RHOBTB3: variants seen among roughly 807,000 people sequenced by gnomAD.
The protein encoded by RHOBTB3 is rho-related BTB domain-containing protein 3.
A neutral mutation model predicts 67.2 loss-of-function variants in RHOBTB3; 47 were observed. The ratio of observed to expected loss-of-function variants is 0.70; its 90% CI spans 0.55 to 0.89. The LOEUF is 0.89. Among genes scored for constraint, RHOBTB3 ranks in the 40% least tolerant of loss-of-function variants. RHOBTB3 has a pLI of 0.00. For synonymous variants in RHOBTB3, 273 were observed against 274.2 expected (o/e 1.00, Z 0.04); for missense variants, 631 against 750.0 (o/e 0.84, Z 1.85).
intron 11 of RHOBTB3, among the ~76,000 whole-genome samples, 188 bp from the exon 12 acceptor site, chr5:95,792,871 A>T (rs1480110812): frequency 1.3e-5 from 2 of 152,210 alleles, no homozygotes; most frequent in African/African-American, 4.8e-5. Context: ...TGTAAGTCAC[A>T]TAATAACTTA....
intron 1 of RHOBTB3, among the ~76,000 whole-genome samples, chr5:95,720,655 G>A (rs771847039): frequency 7.9e-5 from 12 of 151,298 alleles, no homozygotes; most frequent in Non-Finnish European, 1.6e-4. Flanking sequence ...TGTTTTGTTT[G>A]TATTACATTA....
At chr5:95,738,468 G>A (rs554765962) in intron 3 of RHOBTB3, among the ~76,000 whole-genome samples, 1 of 152,292 alleles carries the variant, frequency 6.6e-6, no homozygotes, top group African/African-American at 2.4e-5. Context: ...ACTTTAGGAG[G>A]TAATTAGGGC....
chr5:95,744,808 C>G (rs554739415), intron 3 of RHOBTB3, among the ~76,000 whole-genome samples: 2 of 152,058 alleles, frequency 1.3e-5, no homozygotes. Flanking sequence ...CGGTGACTCA[C>G]GCCTGTAATC....
intron 7 of RHOBTB3, chr5:95,767,713 G>T: frequency 3.1e-6 from 2 of 641,702 alleles, no homozygotes; most frequent in Non-Finnish European, 5.7e-6. Flanking sequence ...ATTTTAGTAG[G>T]CATTTGTATG....
intron 5 of RHOBTB3, 87 bp from the exon 6 acceptor site, chr5:95,755,309 A>G (rs1745209695): frequency 2.1e-6 from 2 of 953,066 alleles, no homozygotes; most frequent in Non-Finnish European, 2.9e-6. Context: ...TTAAAATATT[A>G]TACAATTATA....
At chr5:95,780,077 T>C (rs1206941132) in intron 8 of RHOBTB3, 175 bp from the exon 9 acceptor site, 7 of 513,462 alleles carry the variant, frequency 1.4e-5, no homozygotes, top group East Asian at 8.6e-5. Flanking sequence ...CTTTCTTTAT[T>C]GCTCCCTTTA....
intron 1 of RHOBTB3, among the ~76,000 whole-genome samples, chr5:95,720,385 G>A (rs531800481): frequency 6.6e-6 from 1 of 152,184 alleles, no homozygotes; most frequent in African/African-American, 2.4e-5. Context: ...TTAGCAAAAC[G>A]TTGTTGTAAT....
Position 95,731,580 on chromosome 5 carries a change from C to A in RHOBTB3, c.-103C>A, listed in dbSNP as rs1315274671. On this transcript the variant is annotated 5_prime_UTR_variant, in exon 1 of 12. Transcript: ENST00000379982. ...TGGAGGCGCGCGAGGGGGACGCGGC[C>A]GGGGATGAGCGGATTGCGGGTGAAC... is the stretch of plus-strand genomic sequence containing the variant. 2.6e-6 allele frequency: 4 copies of A among 1,543,536 alleles called. No homozygotes were observed. The highest frequency in any genetic ancestry group is 3.5e-6 in the Non-Finnish European group (4 of 1,145,434).
At chr5:95,792,557 C>A (rs1746439750) in intron 11 of RHOBTB3, among the ~76,000 whole-genome samples, 1 of 151,774 alleles carries the variant, frequency 6.6e-6, no homozygotes, top group South Asian at 2.1e-4. Context: ...CTTTGGGAGT[C>A]CAAGGCAGGC....
intron 8 of RHOBTB3, among the ~76,000 whole-genome samples, chr5:95,773,096 C>T (rs537937077): frequency 1.3e-5 from 2 of 152,056 alleles, no homozygotes; most frequent in Non-Finnish European, 2.9e-5. Flanking sequence ...AAAAGATTTT[C>T]GAAGGGAATA....
At chr5:95,748,868 A>G (rs1165972133) in intron 4 of RHOBTB3, among the ~76,000 whole-genome samples, 1 of 152,128 alleles carries the variant, frequency 6.6e-6, no homozygotes, top group Non-Finnish European at 1.5e-5. Flanking sequence ...ATTTCCATCT[A>G]CCAGTTGGAA....
intron 1 of RHOBTB3, chr5:95,719,734 T>C (rs1754807124): frequency 6.6e-6 from 1 of 152,226 alleles, no homozygotes; most frequent in African/African-American, 2.4e-5. Context: ...GTTAATGCCA[T>C]CATGCAGATA....
intron 3 of RHOBTB3, among the ~76,000 whole-genome samples, chr5:95,739,831 C>T (rs1580397516): frequency 6.6e-6 from 1 of 152,208 alleles, no homozygotes; most frequent in Non-Finnish European, 1.5e-5. Flanking sequence ...AGGCGTGAGC[C>T]ACCACACCTG....
chr5:95,787,184 T>A (rs192909176), intron 10 of RHOBTB3, among the ~76,000 whole-genome samples: 1 of 152,234 alleles, frequency 6.6e-6, no homozygotes, highest in African/African-American at 2.4e-5. Context: ...TAAGGCAATG[T>A]CCTAACCTCC....
In RHOBTB3 at chr5:95,783,908, G is replaced by A. The variant is rs201279260; in HGVS notation, c.1568G>A (p.Ser523Asn). Residue 523 changes from serine to asparagine, a missense_variant, in exon 10 of 12, where the codon AGC becomes AAC. Transcript: ENST00000379982. ...ATTACCCAGCTGCAGAGCATGCCAA[G>A]CAGGGAACTGGCATCCATGAACCTT... The part of the protein sequence containing the change: ...FIITQLQSMP[S>N]RELASMNLDI... The A allele has an allele frequency of 1.9e-6, 3 of 1,613,974 alleles. No individual in the cohort carries two copies. Among genetic ancestry groups the A allele is most frequent in the African/African-American group, 1.3e-5 (1 of 75,038 alleles).
chr5:95,789,111 C>G (rs1200768838), intron 11 of RHOBTB3: 5 of 354,466 alleles, frequency 1.4e-5, no homozygotes, highest in Non-Finnish European at 2.0e-5. Flanking sequence ...AATGCATTTT[C>G]TTTCCCTGAA....
intron 3 of RHOBTB3, 87 bp from the exon 4 acceptor site, chr5:95,748,246 C>A: frequency 1.0e-6 from 1 of 974,490 alleles, no homozygotes; most frequent in East Asian, 2.7e-5. Flanking sequence ...AGTATGAGCT[C>A]TTTGTTGTTT....
intron 8 of RHOBTB3, among the ~76,000 whole-genome samples, chr5:95,773,640 A>G (rs894742614): frequency 6.6e-6 from 1 of 152,230 alleles, no homozygotes; most frequent in African/African-American, 2.4e-5. Context: ...TTTAGTGTTA[A>G]GAGTTATGTA....
At chr5:95,789,040 C>T in intron 11 of RHOBTB3, 182 bp downstream of exon 11, 1 of 500,486 alleles carries the variant, frequency 2.0e-6, no homozygotes, top group South Asian at 2.9e-5. Context: ...TACATAAGTG[C>T]CTTAACCTGT....
Sources: gnomAD v4.1 joint callset for allele counts (sites outside exome capture counted in the v4.1 genomes callset) on GRCh38, gnomAD v4.1.1 for gene constraint, MANE v1.5 for transcripts, NCBI Gene and HGNC (gene_info 2026-07-23, HGNC 2026-07-21) for gene names.